The following FAXC variants were observed in gnomAD, a reference collection of about 807,000 sequenced individuals.
The protein encoded by FAXC is failed axon connections homolog.
In FAXC, 10 loss-of-function variants were observed where a neutral mutation model predicts 41.9. The observed-to-expected ratio is 0.24, with a 90% confidence interval of 0.15 to 0.41. FAXC has a LOEUF of 0.41. Ranked by LOEUF, FAXC falls within the 10% of genes least tolerant of loss-of-function variation. The pLI is 1.00. For synonymous variants in FAXC, 183 were observed against 183.8 expected (o/e 1.00, Z 0.03); for missense variants, 399 against 510.9 (o/e 0.78, Z 2.11).
chr6:99,320,090 A>C (rs1421105226), intron 4 of FAXC, among the ~76,000 whole-genome samples: 1 of 152,198 alleles, frequency 6.6e-6, no homozygotes, highest in East Asian at 1.9e-4. Context: ...TATTTTATTT[A>C]ACTGGGGATG....
intron 4 of FAXC, among the ~76,000 whole-genome samples, chr6:99,292,679 A>T (rs1251859451): frequency 6.6e-6 from 1 of 152,224 alleles, no homozygotes; most frequent in Admixed American, 6.5e-5. Flanking sequence ...CCATCTGGAA[A>T]TGGGGATGAA....
intron 2 of FAXC, among the ~76,000 whole-genome samples, chr6:99,339,796 A>G (rs926688605): frequency 1.3e-5 from 2 of 152,192 alleles, no homozygotes; most frequent in Admixed American, 6.5e-5. Context: ...GAATTCAAGT[A>G]GAGAGTAGAG....
intron 2 of FAXC, among the ~76,000 whole-genome samples, chr6:99,340,802 G>A (rs1773401012): frequency 1.3e-5 from 2 of 151,430 alleles, no homozygotes; most frequent in South Asian, 4.2e-4. Flanking sequence ...CCAAGTAGCT[G>A]GGATTACAGG....
At chr6:99,317,447 G>C (rs1240013996) in intron 4 of FAXC, among the ~76,000 whole-genome samples, 4 of 152,186 alleles carry the variant, frequency 2.6e-5, no homozygotes, top group African/African-American at 9.7e-5. Flanking sequence ...CTTGCCAGTG[G>C]AAGTCGTGGC....
chr6:99,340,841 G>T (rs1041623270), intron 2 of FAXC, among the ~76,000 whole-genome samples: 1 of 151,726 alleles, frequency 6.6e-6, no homozygotes, highest in Non-Finnish European at 1.5e-5. Context: ...GCTAATTTTC[G>T]TATTTTTAAT....
chr6:99,347,580 G>A (rs116609827), intron 1 of FAXC, among the ~76,000 whole-genome samples: 1 of 152,236 alleles, frequency 6.6e-6, no homozygotes, highest in African/African-American at 2.4e-5. Context: ...GCCTACTCCG[G>A]AGTGGCAGCT....
rs1054670244 is a variant in FAXC at position 99,275,589 on chromosome 6, G to C, written c.*5575C>G. On this transcript the variant is annotated 3_prime_UTR_variant, in exon 6 of 6. Coordinates refer to ENST00000389677, the MANE Select transcript of FAXC (RefSeq NM_032511.4). ...TTCCTTGCTTCGGCGAAAGCAGAATGGTTGAGGAGGTCACCCTGTCAGCTC... is the reference window on the plus strand; with the variant it reads ...TTCCTTGCTTCGGCGAAAGCAGAATCGTTGAGGAGGTCACCCTGTCAGCTC... The C allele has an allele frequency of 6.6e-6, 1 of 152,196 alleles. No homozygotes were observed. Among genetic ancestry groups the C allele is most frequent in the South Asian group, 2.1e-4 (1 of 4,828 alleles). The allele number at this position is 152,196 out of a possible 1,614,324, so 9.4% of individuals were successfully genotyped here. A position where few individuals can be genotyped will look rare whatever the true frequency, so the allele number is the denominator to read the frequency against.
In FAXC at chr6:99,273,549, C is replaced by G. The variant is rs972229782; in HGVS notation, c.*7615G>C. 6 of 148,562 alleles carry G rather than the reference C, an allele frequency of 4.0e-5. No homozygotes were observed. Among genetic ancestry groups the G allele is most frequent in the African/African-American group, 1.5e-4 (6 of 40,030 alleles). The allele number at this position is 148,562 out of a possible 1,614,324, so 9.2% of individuals were successfully genotyped here. A position where few individuals can be genotyped will look rare whatever the true frequency, so the allele number is the denominator to read the frequency against. On this transcript the variant is annotated 3_prime_UTR_variant, in exon 6 of 6. Coordinates refer to ENST00000389677, the MANE Select transcript of FAXC (RefSeq NM_032511.4). ...CAAGGCATTCTAGATCAAGTGGTCC[C>G]AAAAGCAGAATTAAAAACATCAGTC...
At chr6:99,328,589 A>G (rs1207105698) in intron 3 of FAXC, among the ~76,000 whole-genome samples, 1 of 152,178 alleles carries the variant, frequency 6.6e-6, no homozygotes, top group Non-Finnish European at 1.5e-5. Flanking sequence ...TCTTGCCTCT[A>G]AACTTGTGCA....
Position 99,281,434 on chromosome 6 carries a change from G to T in FAXC, c.960C>A (p.Ala320=). Residue 320 remains alanine (A), a synonymous_variant, in exon 6 of 6, where the codon GCC becomes GCA. Coordinates refer to ENST00000389677, the MANE Select transcript of FAXC (RefSeq NM_032511.4). ...TCCTCCTTATCCTCTCACAGTACAT[G>T]GCAAGGTTGATCAGCTCACCTGCAG... ...RLIKGELINL[A]MYCERIRRKF... is the part of the protein sequence containing the mutation. 1 of 1,613,248 alleles carries T rather than the reference G, an allele frequency of 6.2e-7. No homozygotes were observed. The highest frequency in any genetic ancestry group is 1.1e-5 in the South Asian group (1 of 91,042).
In FAXC at chr6:99,278,809, C is replaced by T. The variant is rs186135937; in HGVS notation, c.*2355G>A. The stretch of plus-strand genomic sequence containing the variant: ...TGTAAGAGGTACCTGGATGGAATGA[C>T]TTATTTTACAACTTCATTTTCAAAG... On this transcript the variant is annotated 3_prime_UTR_variant, in exon 6 of 6. Transcript: ENST00000389677. 8.5e-5 allele frequency: 13 copies of T among 152,264 alleles called. No individual in the cohort carries two copies. Among genetic ancestry groups the T allele is most frequent in the African/African-American group, 1.4e-4 (6 of 41,560 alleles). 9.4% of individuals were successfully genotyped at this position (152,264 alleles called of 1,614,324 possible).
Position 99,280,530 on chromosome 6 carries a change from G to A in FAXC, c.*634C>T, listed in dbSNP as rs1206322547. ...AGAGTATTGTCATCCCCACTTTACAGGTGGGAGAAATGAGGCACCCAATAG... is the reference window on the plus strand; with the variant it reads ...AGAGTATTGTCATCCCCACTTTACAAGTGGGAGAAATGAGGCACCCAATAG... On this transcript the variant is annotated 3_prime_UTR_variant, in exon 6 of 6. Transcript: ENST00000389677. 1 of 152,724 alleles carries A rather than the reference G, an allele frequency of 6.5e-6. No individual in the cohort carries two copies. Among genetic ancestry groups the A allele is most frequent in the Non-Finnish European group, 1.5e-5 (1 of 68,412 alleles). The allele number at this position is 152,724 out of a possible 1,614,324, so 9.5% of individuals were successfully genotyped here. A position where few individuals can be genotyped will look rare whatever the true frequency, so the allele number is the denominator to read the frequency against.
At chr6:99,293,665 A>AGTGTGTGTGTGTGTGT (rs55827992) in intron 4 of FAXC, among the ~76,000 whole-genome samples, 6 of 123,168 alleles carry the variant, frequency 4.9e-5, no homozygotes, top group African/African-American at 6.2e-5. Context: ...CTCTATACAC[A>AGTGTGTGTGTGTGTGT]GTGTGTGTGT....
chr6:99,289,890 A>C (rs976950627), intron 5 of FAXC, among the ~76,000 whole-genome samples: 1 of 152,140 alleles, frequency 6.6e-6, no homozygotes, highest in African/African-American at 2.4e-5. Flanking sequence ...CCTCATGATT[A>C]TATGGCTGAT....
At chr6:99,288,685 TCCCACCCAG>T (rs1771113056) in intron 5 of FAXC, among the ~76,000 whole-genome samples, 1 of 152,172 alleles carries the variant, frequency 6.6e-6, no homozygotes, top group Non-Finnish European at 1.5e-5. Context: ...CTATCCCTAG[TCCCACCCAG>T]CTGAACTTCC....
At chr6:99,323,688 G>A in intron 3 of FAXC, 21 bp from the exon 4 acceptor site, 2 of 1,586,448 alleles carry the variant, frequency 1.3e-6, no homozygotes, top group Non-Finnish European at 1.7e-6. Flanking sequence ...GTGGAAACAA[G>A]TTACTACTGT....
intron 3 of FAXC, among the ~76,000 whole-genome samples, chr6:99,328,731 G>A (rs1308326514): frequency 1.3e-5 from 2 of 152,108 alleles, no homozygotes; most frequent in Admixed American, 6.5e-5. Context: ...TCTCTCTAGT[G>A]ATAGCTGGCT....
At chr6:99,294,206 G>A (rs900633984) in intron 4 of FAXC, among the ~76,000 whole-genome samples, 8 of 152,132 alleles carry the variant, frequency 5.3e-5, no homozygotes, top group South Asian at 2.1e-4. Flanking sequence ...ATACTGGGGG[G>A]AATCCAGAGA....
chr6:99,325,565 T>C lies in FAXC; in HGVS notation c.600-1898A>G, dbSNP rs574561338. Among the ~76,000 whole-genome samples, 8 of 152,380 alleles carry C rather than the reference T, an allele frequency of 5.3e-5. No individual in the cohort carries two copies. In the East Asian group the frequency reaches 1.4e-3, roughly 26 times the overall value. ...TCGGAGCATTCCATTGATCTTCCAA[T>C]ACAGAATAGCTCACATTTTTTCTAG... On this transcript the variant is annotated intron_variant, in intron 3 of 5. Coordinates refer to ENST00000389677, the MANE Select transcript of FAXC (RefSeq NM_032511.4).
Sources: gnomAD v4.1 joint callset for allele counts (sites outside exome capture counted in the v4.1 genomes callset) on GRCh38, gnomAD v4.1.1 for gene constraint, MANE v1.5 for transcripts, NCBI Gene and HGNC (gene_info 2026-07-23, HGNC 2026-07-21) for gene names.